MEPE: variants seen among roughly 807,000 people sequenced by gnomAD.
MEPE encodes the protein matrix extracellular phosphoglycoprotein.
MEPE carries 7 observed loss-of-function variants against 7.3 expected under a neutral mutation model. The ratio of observed to expected loss-of-function variants is 0.95; its 90% CI spans 0.54 to 1.79. The LOEUF (loss-of-function observed/expected upper bound fraction) is 1.79, where lower values mean the gene tolerates loss of function less well. MEPE is among the 40% of genes most tolerant of loss of function. MEPE has a pLI of 0.00. For synonymous variants in MEPE, 214 were observed against 213.1 expected (o/e 1.00, Z -0.04); for missense variants, 623 against 628.2 (o/e 0.99, Z 0.09).
In MEPE at chr4:87,838,737, AAGTC is replaced by A. The variant is rs760230951; in HGVS notation, c.108+56_108+59del. On this transcript the variant is annotated intron_variant, in intron 3 of 3. Transcript: ENST00000361056. ...ACTCTATTTCAGCTCTATAAAGAAAAAGTCAGTAAGAGAAAAGTGTAACTGTCAA... is the reference window on the plus strand; with the variant it reads ...ACTCTATTTCAGCTCTATAAAGAAAAAGTAAGAGAAAAGTGTAACTGTCAA... The A allele has an allele frequency of 1.1e-4, 170 of 1,520,986 alleles. 1 individual carries two copies. In the African/African-American group the frequency reaches 1.5e-3, roughly 14 times the overall value. 94.2% of individuals were successfully genotyped at this position (1,520,986 alleles called of 1,614,324 possible).
chr4:87,836,122 A>G (rs925567796), intron 2 of MEPE, among the ~76,000 whole-genome samples: 3 of 152,152 alleles, frequency 2.0e-5, no homozygotes, highest in Admixed American at 1.3e-4. Flanking sequence ...ATCATTAAAT[A>G]TGATGTTTTC....
At chr4:87,827,677 T>C (rs975478746) in intron 1 of MEPE, among the ~76,000 whole-genome samples, 3 of 152,228 alleles carry the variant, frequency 2.0e-5, no homozygotes, top group African/African-American at 7.2e-5. Flanking sequence ...ATTATAATTA[T>C]ATTTTAACTA....
upstream of MEPE, among the ~76,000 whole-genome samples, chr4:87,829,212 C>CA (rs1227902058): frequency 1.3e-5 from 2 of 151,930 alleles, no homozygotes; most frequent in East Asian, 3.8e-4. Context: ...AATAGGCTCT[C>CA]ATTTTTTTTT....
rs572238771 is a variant in MEPE, at chr4:87,845,759, C to T, written c.891C>T (p.Asp297=). Residue 297 remains aspartate, a synonymous_variant, in exon 4 of 4, where the codon GAC becomes GAT. Coordinates refer to ENST00000361056, the MANE Select transcript of MEPE (RefSeq NM_020203.6). Reference sequence around the variant, plus strand: ...GTGAAGCTGAGAGTACTCATCTTGACACAAAAAAGCCAGGTTATAATGAGA... The same window carrying T: ...GTGAAGCTGAGAGTACTCATCTTGATACAAAAAAGCCAGGTTATAATGAGA... The part of the protein sequence containing the change: ...GPSEAESTHL[D]TKKPGYNEIP... 1.5e-4 allele frequency: 243 copies of T among 1,613,730 alleles called. 5 individuals carry two copies. The South Asian group carries it at 2.6e-3, about 17-fold the overall frequency.
chr4:87,836,618 A>G (rs1332285214), intron 2 of MEPE, among the ~76,000 whole-genome samples: 1 of 152,244 alleles, frequency 6.6e-6, no homozygotes, highest in Non-Finnish European at 1.5e-5. Flanking sequence ...AAGAATCAAC[A>G]TAAGAAATGC....
intron 3 of MEPE, 24 bp downstream of exon 3, chr4:87,838,709 A>G: frequency 6.2e-7 from 1 of 1,605,410 alleles, no homozygotes; most frequent in Non-Finnish European, 8.5e-7. Flanking sequence ...ATCTTTTCAA[A>G]TAACTCTATT....
upstream of MEPE, among the ~76,000 whole-genome samples, chr4:87,828,497 G>C (rs1364943494): frequency 3.3e-5 from 5 of 151,794 alleles, no homozygotes; most frequent in Non-Finnish European, 7.4e-5. Context: ...AGAATACTAA[G>C]TTTAAAAAAA....
intron 1 of MEPE, among the ~76,000 whole-genome samples, chr4:87,822,408 C>G (rs1037878406): frequency 3.9e-5 from 6 of 152,082 alleles, no homozygotes; most frequent in Non-Finnish European, 1.5e-5. Flanking sequence ...TTAAGTGGTC[C>G]CCGGGCAGCA....
rs767540653 is a variant in MEPE, at chr4:87,845,586, G to A, written c.718G>A (p.Gly240Ser). 6.6e-5 allele frequency: 106 copies of A among 1,613,410 alleles called. No individual in the cohort carries two copies. Among genetic ancestry groups the A allele is most frequent in the South Asian group, 1.7e-4 (15 of 90,898 alleles). ...KKIPSDFEGS[G>S]YTDLQERGDN... ...AATCCCCAGTGATTTTGAAGGCAGC[G>A]GTTATACAGATCTTCAAGAGAGAGG... Residue 240 changes from glycine (G) to serine (S), a missense_variant, in exon 4 of 4, where the codon GGT (glycine) becomes AGT (serine). By Grantham distance (56) the Gly-to-Ser change is moderately conservative (BLOSUM62 0). Transcript: ENST00000361056.
At chr4:87,823,996 G>T (rs984464213) in intron 1 of MEPE, among the ~76,000 whole-genome samples, 19 of 152,160 alleles carry the variant, frequency 1.2e-4, no homozygotes, top group African/African-American at 4.6e-4. Flanking sequence ...ATTACATTCT[G>T]TTACATCCTG....
chr4:87,843,179 C>A (rs534983163), intron 3 of MEPE, among the ~76,000 whole-genome samples: 67 of 152,272 alleles, frequency 4.4e-4, no homozygotes, highest in African/African-American at 1.4e-3. Context: ...CTGGATACTG[C>A]AAAAGCCTCC....
Position 87,821,861 on chromosome 4 carries a change from T to C in MEPE, c.-13+390T>C, listed in dbSNP as rs1722345207. On this transcript the variant is annotated intron_variant, in intron 1 of 3. Coordinates refer to the MEPE transcript ENST00000424957. ...AGAAGTTAAAGACCCCTGAGCACCA[T>C]AAAGCTGCAGGGGAGCCCTCATTCA... Among the ~76,000 whole-genome samples the C allele has an allele frequency of 2.0e-5, 3 of 152,036 alleles. No homozygotes were observed. In the South Asian group the frequency reaches 6.2e-4, roughly 32 times the overall value.
chr4:87,832,467 G>T (rs192745856), upstream of MEPE, among the ~76,000 whole-genome samples: 28 of 152,136 alleles, frequency 1.8e-4, no homozygotes, highest in African/African-American at 5.5e-4. Context: ...CATTTATCTT[G>T]TTTATTATCT....
chr4:87,839,025 T>G (rs972006176), intron 3 of MEPE, among the ~76,000 whole-genome samples: 2 of 152,188 alleles, frequency 1.3e-5, no homozygotes, highest in Non-Finnish European at 2.9e-5. Context: ...CACATGTACC[T>G]GACAAACACT....
intron 1 of MEPE, 124 bp from the exon 2 acceptor site, chr4:87,834,579 C>A (rs979803578): frequency 2.9e-6 from 2 of 691,094 alleles, no homozygotes; most frequent in Non-Finnish European, 4.9e-6. Flanking sequence ...CACACACATA[C>A]ACAAAAGGAT....
chr4:87,838,270 G>A (rs1201687709), intron 2 of MEPE, among the ~76,000 whole-genome samples: 1 of 152,102 alleles, frequency 6.6e-6, no homozygotes, highest in Non-Finnish European at 1.5e-5. Flanking sequence ...ACAACTCCCA[G>A]TTTGCCAGTG....
intron 1 of MEPE, among the ~76,000 whole-genome samples, chr4:87,826,399 T>TTTTTTG (rs1214246642): frequency 1.4e-3 from 212 of 151,346 alleles, no homozygotes; most frequent in Non-Finnish European, 2.4e-3. Context: ...TTTGTTTTTG[T>TTTTTTG]TTTTTGTTTT....
At chr4:87,829,591 G>A (rs879293685), upstream of MEPE, among the ~76,000 whole-genome samples, 2 of 152,048 alleles carry the variant, frequency 1.3e-5, no homozygotes, top group Non-Finnish European at 2.9e-5. Flanking sequence ...TCTATAACTG[G>A]ATCATTCAAA....
intron 3 of MEPE, among the ~76,000 whole-genome samples, chr4:87,843,079 G>T (rs1331034449): frequency 2.6e-5 from 4 of 151,962 alleles, no homozygotes; most frequent in East Asian, 1.9e-4. Flanking sequence ...AGTTATTAAG[G>T]CTTTTTGCTT....
Sources: gnomAD v4.1 joint callset for allele counts (sites outside exome capture counted in the v4.1 genomes callset) on GRCh38, gnomAD v4.1.1 for gene constraint, MANE v1.5 for transcripts, NCBI Gene and HGNC (gene_info 2026-07-23, HGNC 2026-07-21) for gene names.